Variants in RNLS observed in about 807,000 individuals in gnomAD.
RNLS encodes the protein renalase.
RNLS carries 39 observed loss-of-function variants against 39.8 expected under a neutral mutation model. The ratio of observed to expected loss-of-function variants is 0.98; its 90% CI spans 0.76 to 1.28. The LOEUF is 1.28. Ranked by LOEUF, RNLS falls within the 50% of genes most tolerant of loss-of-function variation. The probability of loss-of-function intolerance (pLI) is 0.00; values close to 1 mark genes in which losing one functional copy is unlikely to be tolerated. For missense variants in RNLS, 410 were observed against 413.3 expected, an observed-to-expected ratio of 0.99 and a Z score of 0.07; for synonymous variants, 147 against 150.7, an observed-to-expected ratio of 0.98 and a Z score of 0.18.
rs144070174 is a variant in RNLS at position 88,464,601 on chromosome 10, C to T, written c.527-101876G>A. Among the ~76,000 whole-genome samples the T allele has an allele frequency of 1.3e-3, 196 of 152,074 alleles. 1 individual carries two copies. Among genetic ancestry groups the T allele is most frequent in the Middle Eastern group, 0.01 (3 of 294 alleles). On this transcript the variant is annotated intron_variant, in intron 4 of 6. Coordinates refer to ENST00000331772, the MANE Select transcript of RNLS (RefSeq NM_001031709.3). ...TAATGTTTGCACATACTGCTAAAAC[C>T]GTCAGCAATAAGATGTGAGGAAAAC...
intron 5 of RNLS, among the ~76,000 whole-genome samples, chr10:88,320,685 TAA>T (rs113368365): frequency 7.2e-6 from 1 of 138,144 alleles, no homozygotes; most frequent in Admixed American, 7.3e-5. Context: ...ACAAACACAT[TAA>T]AAAAAAAAGA....
chr10:88,240,299 A>G, the RNLS span, among the ~76,000 whole-genome samples: 1 of 152,194 alleles, frequency 6.6e-6, no homozygotes, highest in African/African-American at 2.4e-5. Flanking sequence ...ATCTATATCA[A>G]GTAGTGACTC....
chr10:88,340,451 T>G (rs1475669526), intron 5 of RNLS, among the ~76,000 whole-genome samples: 1 of 151,476 alleles, frequency 6.6e-6, no homozygotes, highest in African/African-American at 2.4e-5. Flanking sequence ...TTCTCTTTGA[T>G]GGAGTATATA....
chr10:88,547,583 AC>A (rs568070765), intron 4 of RNLS, among the ~76,000 whole-genome samples: 43 of 152,218 alleles, frequency 2.8e-4, no homozygotes, highest in African/African-American at 8.4e-4. Context: ...GAAGGGACAA[AC>A]CTTTTTCTCT....
At chr10:88,411,771 C>CT (rs1853671358) in intron 4 of RNLS, among the ~76,000 whole-genome samples, 1 of 152,102 alleles carries the variant, frequency 6.6e-6, no homozygotes. Flanking sequence ...AGATCTAACT[C>CT]TGTCTGTTTT....
chr10:88,255,241 G>C, the RNLS span, among the ~76,000 whole-genome samples: 3 of 152,298 alleles, frequency 2.0e-5, no homozygotes, highest in African/African-American at 7.2e-5. Flanking sequence ...ACCTTTCATT[G>C]CTTCTAGTTG....
In RNLS at chr10:88,368,230, G is replaced by A. The variant is rs1188421897; in HGVS notation, c.527-5505C>T. ...GTGAGGGAAAGAGACCAAATATATC[G>A]AATACTACTTCCCCTCATCCACCCT... On this transcript the variant is annotated intron_variant, in intron 4 of 6. Transcript: ENST00000331772. Among the ~76,000 whole-genome samples, 10 of 151,490 alleles carry A rather than the reference G, an allele frequency of 6.6e-5. No individual in the cohort carries two copies. The East Asian group carries it at 1.6e-3, about 24-fold the overall frequency.
chr10:88,275,030 T>C, exon 7 of RNLS: 1 of 1,612,580 alleles, frequency 6.2e-7, no homozygotes, highest in Non-Finnish European at 8.5e-7. Flanking sequence ...CAGCACTTGG[T>C]ACCTGAAAAT....
chr10:88,509,090 T>C (rs1192535366), intron 4 of RNLS, among the ~76,000 whole-genome samples: 2 of 152,188 alleles, frequency 1.3e-5, no homozygotes, highest in Non-Finnish European at 2.9e-5. Context: ...GGAATTCCTC[T>C]GTGGCTCTTA....
At chr10:88,305,631 A>C (rs1048017913) in intron 6 of RNLS, among the ~76,000 whole-genome samples, 2 of 152,224 alleles carry the variant, frequency 1.3e-5, no homozygotes, top group Non-Finnish European at 2.9e-5. Flanking sequence ...AGATCTAACT[A>C]TCCTAAATAT....
At chr10:88,179,934 AG>A in the RNLS span, among the ~76,000 whole-genome samples, 4 of 152,270 alleles carry the variant, frequency 2.6e-5, no homozygotes, top group Non-Finnish European at 5.9e-5. Flanking sequence ...TGTTTTCTTT[AG>A]AACAGAACAT....
chr10:88,319,326 CA>C (rs1484436246), intron 5 of RNLS, among the ~76,000 whole-genome samples: 2 of 152,086 alleles, frequency 1.3e-5, no homozygotes, highest in Non-Finnish European at 2.9e-5. Flanking sequence ...ACAGATCCCT[CA>C]TATGAGAAGG....
intron 4 of RNLS, among the ~76,000 whole-genome samples, chr10:88,549,198 T>G (rs1589996628): frequency 6.6e-6 from 1 of 152,268 alleles, no homozygotes; most frequent in East Asian, 1.9e-4. Flanking sequence ...AAAATATTAT[T>G]TTTAAAATGT....
In RNLS at chr10:88,303,652, G is replaced by A. The variant is rs117210595; in HGVS notation, c.876+10814C>T. ...CTGTATGGGGTGGGTTTTGCAGTCC[G>A]CCCACCCTCCCCCTACCAATCACCA... On this transcript the variant is annotated intron_variant, in intron 6 of 6. Coordinates refer to ENST00000331772, the MANE Select transcript of RNLS (RefSeq NM_001031709.3). Among the ~76,000 whole-genome samples, 392 of 152,158 alleles carry A rather than the reference G, an allele frequency of 2.6e-3. 2 individuals are homozygous for A. The East Asian group carries it at 0.043, about 17-fold the overall frequency.
At chr10:88,547,741 A>C (rs961645074) in intron 4 of RNLS, among the ~76,000 whole-genome samples, 1 of 152,208 alleles carries the variant, frequency 6.6e-6, no homozygotes, top group Non-Finnish European at 1.5e-5. Flanking sequence ...ATAATGTATT[A>C]TGTATTTCAA....
At chr10:88,540,781 T>A (rs1847993449) in intron 4 of RNLS, among the ~76,000 whole-genome samples, 1 of 152,104 alleles carries the variant, frequency 6.6e-6, no homozygotes, top group African/African-American at 2.4e-5. Flanking sequence ...AAACCAAGCC[T>A]CATTACTTTA....
At chr10:88,202,053 G>T in the RNLS span, among the ~76,000 whole-genome samples, 3 of 151,964 alleles carry the variant, frequency 2.0e-5, no homozygotes, top group East Asian at 3.9e-4. Context: ...CAACCCAAAT[G>T]TCCATCAACG....
chr10:88,566,836 G>C (rs900400285), intron 4 of RNLS, among the ~76,000 whole-genome samples: 1 of 152,072 alleles, frequency 6.6e-6, no homozygotes, highest in Admixed American at 6.5e-5. Context: ...CTAAATAAGA[G>C]AAGAGCTGAA....
chr10:88,335,087 C>A (rs1847385851), intron 5 of RNLS, among the ~76,000 whole-genome samples: 1 of 152,080 alleles, frequency 6.6e-6, no homozygotes, highest in African/African-American at 2.4e-5. Context: ...ATCAAAATAT[C>A]TATTTATTTA....
Sources: allele counts gnomAD v4.1 joint callset (sites outside exome capture counted in the v4.1 genomes callset), GRCh38; gene constraint gnomAD v4.1.1; transcripts MANE v1.5; gene names NCBI Gene and HGNC (gene_info 2026-07-23, HGNC 2026-07-21).